Variants in MAGI2 observed in about 807,000 individuals in gnomAD.
MAGI2 encodes membrane associated guanylate kinase, WW and PDZ domain containing 2, also known as membrane-associated guanylate kinase, WW and PDZ domain-containing protein 2.
A neutral mutation model predicts 133.3 loss-of-function variants in MAGI2; 35 were observed. That is an observed-to-expected ratio of 0.26 (90% confidence interval 0.20 to 0.35). MAGI2 has a LOEUF of 0.35. MAGI2 is among the 10% of genes least tolerant of loss of function. The pLI, the probability that MAGI2 is intolerant of heterozygous loss-of-function variation, is 1.00. For missense variants in MAGI2, 1,636 were observed against 1,863.4 expected (o/e 0.88, Z 2.25); for synonymous variants, 729 against 710.6 (o/e 1.03, Z -0.41).
intron 4 of MAGI2, among the ~76,000 whole-genome samples, chr7:78,504,526 G>T (rs1794917133): frequency 6.6e-6 from 1 of 152,132 alleles, no homozygotes; most frequent in African/African-American, 2.4e-5. Flanking sequence ...GCACTACTGA[G>T]ATTCAGAGGG....
chr7:78,987,553 T>C lies in MAGI2; in HGVS notation c.418+19537A>G, dbSNP rs73703746. Among the ~76,000 whole-genome samples the C allele has an allele frequency of 3.6e-3, 548 of 152,156 alleles. 2 individuals are homozygous for C. The highest frequency in any genetic ancestry group is 0.013 in the African/African-American group (520 of 41,544). Reference sequence around the variant, plus strand: ...ACCAACATTTCAAGTCACGGATTTATCTAAGTGATGAAAGCGATCAAGTTC... The same window carrying C: ...ACCAACATTTCAAGTCACGGATTTACCTAAGTGATGAAAGCGATCAAGTTC... On this transcript the variant is annotated intron_variant, in intron 2 of 21. Coordinates refer to ENST00000354212, the MANE Select transcript of MAGI2 (RefSeq NM_012301.4).
chr7:78,540,173 C>T (rs1798294087), intron 3 of MAGI2, among the ~76,000 whole-genome samples: 1 of 152,160 alleles, frequency 6.6e-6, no homozygotes, highest in Non-Finnish European at 1.5e-5. Context: ...TCTTTGGCTA[C>T]TAGGGTGGGT....
intron 10 of MAGI2, among the ~76,000 whole-genome samples, chr7:78,245,206 T>C (rs879655512): frequency 9.2e-5 from 14 of 152,148 alleles, no homozygotes; most frequent in Admixed American, 8.5e-4. Flanking sequence ...AGAAGATAGA[T>C]ATTCAAGGAT....
chr7:78,274,305 C>T (rs1794852893), intron 9 of MAGI2, among the ~76,000 whole-genome samples: 1 of 152,176 alleles, frequency 6.6e-6, no homozygotes, highest in Admixed American at 6.5e-5. Flanking sequence ...GTTCCTTCCT[C>T]TGGAAGCTTC....
intron 1 of MAGI2, among the ~76,000 whole-genome samples, chr7:79,403,339 A>C (rs1845595746): frequency 6.6e-6 from 1 of 152,156 alleles, no homozygotes; most frequent in Non-Finnish European, 1.5e-5. Context: ...TAGTGACTCA[A>C]TATATCAGCT....
chr7:78,488,288 T>C (rs559609099), intron 6 of MAGI2, among the ~76,000 whole-genome samples: 26 of 152,132 alleles, frequency 1.7e-4, no homozygotes, highest in Admixed American at 6.6e-4. Flanking sequence ...ACAAATAACA[T>C]TGAAATATTA....
chr7:79,416,747 G>A (rs1416318293), intron 1 of MAGI2, among the ~76,000 whole-genome samples: 2 of 74,962 alleles, frequency 2.7e-5, no homozygotes, highest in South Asian at 7.2e-4. Context: ...TTTTTTTTGA[G>A]GTGGAGTCTT....
intron 2 of MAGI2, among the ~76,000 whole-genome samples, chr7:79,004,726 A>T (rs1199309880): frequency 6.6e-6 from 1 of 152,188 alleles, no homozygotes; most frequent in East Asian, 1.9e-4. Context: ...ATAAATATGT[A>T]AATTATTATG....
At chr7:78,207,042 A>T (rs573486983) in intron 10 of MAGI2, among the ~76,000 whole-genome samples, 19 of 152,332 alleles carry the variant, frequency 1.2e-4, no homozygotes, top group African/African-American at 4.3e-4. Context: ...CCACAATTAA[A>T]TTTTTTTCAA....
rs1794688763 is a variant in MAGI2, at chr7:78,378,962, T to A, written c.1046-9749A>T. ...CTATTGCTTAGGCAACAGGTGAGAG[T>A]CAATGAATATTATTTAAAATTGACA... is the stretch of plus-strand genomic sequence containing the variant. On this transcript the variant is annotated intron_variant, in intron 6 of 21. Transcript: ENST00000354212. Among the ~76,000 whole-genome samples the A allele has an allele frequency of 2.0e-5, 3 of 151,742 alleles. No individual in the cohort carries two copies. The South Asian group carries it at 6.3e-4, about 32-fold the overall frequency.
rs1584041415 is a variant in MAGI2 at position 78,825,233 on chromosome 7, C to T, written c.418+181857G>A. 2.6e-5 allele frequency among the ~76,000 whole-genome samples: 4 copies of T among 152,048 alleles called. No individual in the cohort carries two copies. In the East Asian group the frequency reaches 7.7e-4, roughly 29 times the overall value. On this transcript the variant is annotated intron_variant, in intron 2 of 21. Coordinates refer to ENST00000354212, the MANE Select transcript of MAGI2 (RefSeq NM_012301.4). ...AAACTTGCACATTCTGCATATGTATCCCAGAACTTAAAGTAAAATTAAAAA... is the reference window on the plus strand; with the variant it reads ...AAACTTGCACATTCTGCATATGTATTCCAGAACTTAAAGTAAAATTAAAAA...
At chr7:78,663,198 A>C (rs1307535323) in intron 2 of MAGI2, among the ~76,000 whole-genome samples, 4 of 140,828 alleles carry the variant, frequency 2.8e-5, no homozygotes, top group Non-Finnish European at 4.5e-5. Flanking sequence ...TATTTGTACC[A>C]ACTCTTTTTT....
chr7:78,590,220 C>G (rs1367870767), intron 3 of MAGI2, among the ~76,000 whole-genome samples: 1 of 152,166 alleles, frequency 6.6e-6, no homozygotes, highest in Non-Finnish European at 1.5e-5. Flanking sequence ...CTTCAGCCAT[C>G]CAAGCACAAG....
chr7:78,127,464 GA>G, intron 18 of MAGI2, 48 bp from the exon 19 acceptor site: 2 of 1,463,340 alleles, frequency 1.4e-6, no homozygotes, highest in Non-Finnish European at 1.9e-6. Flanking sequence ...GCATTCTAAA[GA>G]GGCTAGAGTG....
At chr7:79,243,674 T>TGC (rs1832600035) in intron 1 of MAGI2, among the ~76,000 whole-genome samples, 1 of 152,256 alleles carries the variant, frequency 6.6e-6, no homozygotes, top group Non-Finnish European at 1.5e-5. Flanking sequence ...GATTTCTGAC[T>TGC]TACTGCTGCT....
chr7:79,227,975 CTG>C (rs1830997795), intron 1 of MAGI2, among the ~76,000 whole-genome samples: 1 of 152,148 alleles, frequency 6.6e-6, no homozygotes, highest in South Asian at 2.1e-4. Flanking sequence ...GAACAGCAAT[CTG>C]TGTTAATGTG....
intron 2 of MAGI2, among the ~76,000 whole-genome samples, chr7:78,938,439 A>G (rs931823394): frequency 1.3e-5 from 2 of 152,154 alleles, no homozygotes; most frequent in Non-Finnish European, 2.9e-5. Flanking sequence ...TCTATGATGC[A>G]TATAGAGATG....
chr7:78,860,459 T>C (rs1055163640), intron 2 of MAGI2, among the ~76,000 whole-genome samples: 1 of 152,186 alleles, frequency 6.6e-6, no homozygotes, highest in African/African-American at 2.4e-5. Context: ...GTTTTCCTTC[T>C]AACAGTCAGG....
chr7:78,659,424 CAAAAAAAAAAA>C (rs71085553), intron 2 of MAGI2, among the ~76,000 whole-genome samples: 150 of 23,686 alleles, frequency 6.3e-3, no homozygotes, highest in Admixed American at 0.018. Context: ...GACTTCATCT[CAAAAAAAAAAA>C]AAAAAAAAAA....
Sources: allele counts gnomAD v4.1 joint callset (sites outside exome capture counted in the v4.1 genomes callset), GRCh38; gene constraint gnomAD v4.1.1; transcripts MANE v1.5; gene names NCBI Gene and HGNC (gene_info 2026-07-23, HGNC 2026-07-21).